The following DDX4 variants were observed in gnomAD, a reference collection of about 807,000 sequenced individuals.
DDX4 encodes the protein DEAD-box helicase 4.
A neutral mutation model predicts 100.0 loss-of-function variants in DDX4; 25 were observed. The ratio of observed to expected loss-of-function variants is 0.25; its 90% CI spans 0.18 to 0.35. The LOEUF is 0.35. Ranked by LOEUF, DDX4 falls within the 10% of genes least tolerant of loss-of-function variation. The pLI, the probability that DDX4 is intolerant of heterozygous loss-of-function variation, is 1.00. For missense variants in DDX4, 635 were observed against 882.4 expected (o/e 0.72, Z 3.55); for synonymous variants, 259 against 275.7 (o/e 0.94, Z 0.60).
intron 2 of DDX4, among the ~76,000 whole-genome samples, chr5:55,743,850 TTAA>T (rs1204309166): frequency 9.2e-5 from 14 of 152,064 alleles, no homozygotes; most frequent in Non-Finnish European, 1.5e-5. Context: ...AGCTTGAAGC[TTAA>T]TAATAAGTTT....
At chr5:55,788,601 T>C (rs558523378) in intron 15 of DDX4, among the ~76,000 whole-genome samples, 2 of 152,356 alleles carry the variant, frequency 1.3e-5, no homozygotes, top group African/African-American at 4.8e-5. Context: ...CCTATTCTTT[T>C]ACATAAAACT....
chr5:55,806,975 C>G (rs1286935666), intron 18 of DDX4, among the ~76,000 whole-genome samples: 3 of 152,168 alleles, frequency 2.0e-5, no homozygotes, highest in Non-Finnish European at 4.4e-5. Context: ...TTGTAGGTCT[C>G]TAAGGACTTG....
intron 2 of DDX4, among the ~76,000 whole-genome samples, chr5:55,745,129 C>G (rs979551726): frequency 2.0e-5 from 3 of 152,170 alleles, no homozygotes; most frequent in African/African-American, 7.2e-5. Flanking sequence ...ATCTGCCCAC[C>G]TTGGCCTCCC....
Position 55,781,104 on chromosome 5 carries a change from G to C in DDX4, c.535G>C (p.Gly179Arg). The change falls in exon 9 of 22, where the codon GGT becomes CGT. Residue 179 changes from glycine to arginine, a missense_variant. Gly to Arg is a moderately radical substitution (Grantham distance 125). Transcript: ENST00000505374. ...CCCAGACGAATGTATGCAGCGCACT[G>C]GTGGCCTTTTTGGTTCTAGAAGACC... ...LDPDECMQRT[G>R]GLFGSRRPVL... The C allele has an allele frequency of 3.1e-6, 5 of 1,612,728 alleles. No homozygotes were observed. Among genetic ancestry groups the C allele is most frequent in the Middle Eastern group, 1.7e-4 (1 of 6,054 alleles).
At chr5:55,750,595 T>G (rs1759496548) in intron 3 of DDX4, among the ~76,000 whole-genome samples, 1 of 152,182 alleles carries the variant, frequency 6.6e-6, no homozygotes, top group Non-Finnish European at 1.5e-5. Context: ...ATAGATTGTT[T>G]GGCAATTTCT....
intron 18 of DDX4, among the ~76,000 whole-genome samples, chr5:55,810,342 T>C (rs561824847): frequency 1.3e-5 from 2 of 152,270 alleles, no homozygotes; most frequent in East Asian, 3.9e-4. Context: ...TGACCTCAGG[T>C]GATCCGCCCG....
At position 55,792,732 on chromosome 5, in the gene DDX4, C is replaced by G; in HGVS notation, c.1394C>G (p.Ser465Cys). The change falls in exon 17 of 22, where the codon TCT becomes TGT. Residue 465 changes from serine to cysteine, a missense_variant. Ser to Cys is a moderately radical substitution (Grantham distance 112, BLOSUM62 -1). Around this residue, in one of 4 missense-constraint regions of DDX4, gnomAD observed 115 missense variants for 224.7 expected, o/e 0.51. Transcript: ENST00000505374. ...GFGPEMKKLI[S>C]CPGMPSKEQR... The stretch of plus-strand genomic sequence containing the variant: ...GGTCCAGAAATGAAGAAGTTAATTT[C>G]TTGCCCAGGAATGCCATCAAAGGAA... 6.2e-7 allele frequency: 1 copy of G among 1,601,710 alleles called. No homozygotes were observed. Among genetic ancestry groups the G allele is most frequent in the Non-Finnish European group, 8.5e-7 (1 of 1,172,784 alleles).
intron 4 of DDX4, among the ~76,000 whole-genome samples, chr5:55,762,726 C>T (rs1377204554): frequency 6.6e-6 from 1 of 151,710 alleles, no homozygotes; most frequent in East Asian, 1.9e-4. Flanking sequence ...TTATGTAGCC[C>T]CTTGTTTTAA....
intron 3 of DDX4, among the ~76,000 whole-genome samples, chr5:55,758,429 T>A (rs983931999): frequency 2.6e-5 from 4 of 152,168 alleles, no homozygotes; most frequent in Non-Finnish European, 4.4e-5. Flanking sequence ...AGTTGGTGAG[T>A]AATTTCTCTG....
intron 2 of DDX4, chr5:55,742,020 A>AT (rs1167624042): frequency 8.1e-6 from 3 of 368,816 alleles, no homozygotes; most frequent in Admixed American, 3.0e-5. Flanking sequence ...ACATACGCTT[A>AT]TATAATTTTG....
Position 55,815,043 on chromosome 5 carries a change from AC to A in DDX4, c.1860del (p.Ile621LeufsTer32), listed in dbSNP as rs1456353898. ...TGTTATCAATTTTGATCTTCCTTCT[AC>A]CATTGATGAATATGTTCATCGAATT... is the stretch of plus-strand genomic sequence containing the variant. ...QHVINFDLPS[T>X]IDEYVHRIGR... is the part of the protein sequence containing the mutation. On this transcript the variant is annotated frameshift_variant, in exon 20 of 22. Coordinates refer to ENST00000505374, the MANE Select transcript of DDX4 (RefSeq NM_024415.3). LOFTEE classifies it high-confidence loss of function. 1 of 1,614,054 alleles carries A rather than the reference AC, an allele frequency of 6.2e-7. No homozygotes were observed. The highest frequency in any genetic ancestry group is 8.5e-7 in the Non-Finnish European group (1 of 1,180,020).
chr5:55,803,674 G>T, intron 18 of DDX4, among the ~76,000 whole-genome samples: 1 of 151,868 alleles, frequency 6.6e-6, no homozygotes. Context: ...TTTTATGGAT[G>T]CACAGTATTC....
In DDX4 at chr5:55,741,195, G is replaced by T. The variant is rs1222617976; in HGVS notation, c.69+2163G>T. ...CTATAGCGTGTTGTGCATATTTATT[G>T]CATTGGGTTTCTGAAATTAAGGATG... On this transcript the variant is annotated intron_variant, in intron 2 of 21. Coordinates refer to ENST00000505374, the MANE Select transcript of DDX4 (RefSeq NM_024415.3). 2.0e-5 allele frequency among the ~76,000 whole-genome samples: 3 copies of T among 152,084 alleles called. No individual in the cohort carries two copies. In the South Asian group the frequency reaches 6.2e-4, roughly 32 times the overall value.
intron 18 of DDX4, among the ~76,000 whole-genome samples, chr5:55,803,791 G>A (rs991155496): frequency 1.3e-5 from 2 of 151,960 alleles, no homozygotes; most frequent in East Asian, 1.9e-4. Flanking sequence ...AAACATACGT[G>A]TGCATGTGTC....
chr5:55,763,320 C>T (rs1740684084), intron 5 of DDX4, 68 bp downstream of exon 5: 4 of 988,470 alleles, frequency 4.0e-6, no homozygotes, highest in South Asian at 3.9e-5. Flanking sequence ...AGTTTAAATA[C>T]TGATTGACAG....
rs75988330 is a variant in DDX4 at position 55,799,060 on chromosome 5, A to G, written c.1615+489A>G. 6.2e-3 allele frequency among the ~76,000 whole-genome samples: 943 copies of G among 151,982 alleles called. 3 individuals carry two copies. Among genetic ancestry groups the G allele is most frequent in the Non-Finnish European group, 9.7e-3 (657 of 67,986 alleles). On this transcript the variant is annotated intron_variant, in intron 18 of 21. Transcript: ENST00000505374. ...TTTTTTTTTCTCCTCTACTCCCCCA[A>G]TCAATTTTTATTTTTATTATCTTTT...
At chr5:55,744,468 G>A (rs1266748474) in intron 2 of DDX4, among the ~76,000 whole-genome samples, 1 of 152,142 alleles carries the variant, frequency 6.6e-6, no homozygotes, top group East Asian at 1.9e-4. Flanking sequence ...TGATGATAAG[G>A]ACACCCTAAG....
intron 10 of DDX4, among the ~76,000 whole-genome samples, chr5:55,783,907 G>C (rs1024907525): frequency 6.6e-6 from 1 of 151,306 alleles, no homozygotes; most frequent in Non-Finnish European, 1.5e-5. Context: ...TGTTACATAG[G>C]TATACATGTA....
chr5:55,794,354 A>ATTT (rs1227796139), intron 17 of DDX4, among the ~76,000 whole-genome samples: 2 of 131,076 alleles, frequency 1.5e-5, no homozygotes, highest in African/African-American at 5.6e-5. Context: ...CGCCTGGTTA[A>ATTT]TTTTTTTTTT....
Sources: allele counts gnomAD v4.1 joint callset (sites outside exome capture counted in the v4.1 genomes callset), GRCh38; gene constraint gnomAD v4.1.1; regional missense constraint gnomAD v4.1.1; transcripts MANE v1.5; gene names NCBI Gene and HGNC (gene_info 2026-07-23, HGNC 2026-07-21).